The following FBLN2 variants were observed in gnomAD, a reference collection of about 807,000 sequenced individuals.
FBLN2 encodes fibulin 2.
In FBLN2, 81 loss-of-function variants were observed where a neutral mutation model predicts 123.7. The observed-to-expected ratio is 0.65, with a 90% confidence interval of 0.55 to 0.79. FBLN2 has a LOEUF of 0.79. FBLN2 is among the 30% of genes least tolerant of loss of function. The probability of loss-of-function intolerance (pLI) is 0.00; values close to 1 mark genes in which losing one functional copy is unlikely to be tolerated. For synonymous variants in FBLN2, 699 were observed against 701.4 expected, an observed-to-expected ratio of 1.00 and a Z score of 0.05; for missense variants, 1,603 against 1,681.3, an observed-to-expected ratio of 0.95 and a Z score of 0.81.
At chr3:13,572,663 C>A (rs1240559509) in intron 2 of FBLN2, among the ~76,000 whole-genome samples, 2 of 152,252 alleles carry the variant, frequency 1.3e-5, no homozygotes, top group Non-Finnish European at 2.9e-5. Flanking sequence ...CTGCTCCCAG[C>A]AGGTCCTCCA....
intron 1 of FBLN2, among the ~76,000 whole-genome samples, chr3:13,557,610 G>C (rs1056875165): frequency 1.3e-5 from 2 of 152,184 alleles, no homozygotes; most frequent in Non-Finnish European, 2.9e-5. Flanking sequence ...GAGCTCAGAA[G>C]CTCTGGAGCA....
intron 2 of FBLN2, among the ~76,000 whole-genome samples, chr3:13,605,565 A>G (rs1305649509): frequency 1.3e-5 from 2 of 152,136 alleles, no homozygotes; most frequent in Non-Finnish European, 2.9e-5. Flanking sequence ...CAGCTCCTGC[A>G]TGTAGCATGG....
chr3:13,637,681 T>C lies in FBLN2; in HGVS notation c.3458T>C (p.Ile1153Thr), dbSNP rs1284908669. ...GLLVPAHIFR[I>T]GPAPAFTGDT... ...CTGGTGCCTGCGCATATCTTCCGCATTGGCCCCGCGCCAGCCTTCACGGGG... is the reference window on the plus strand; with the variant it reads ...CTGGTGCCTGCGCATATCTTCCGCACTGGCCCCGCGCCAGCCTTCACGGGG... Residue 1153 changes from isoleucine to threonine, a missense_variant, in exon 18 of 18, where the codon ATT (isoleucine) becomes ACT (threonine). Coordinates refer to ENST00000404922, the MANE Select transcript of FBLN2 (RefSeq NM_001004019.2). 2 of 1,613,974 alleles carry C rather than the reference T, an allele frequency of 1.2e-6. No individual in the cohort carries two copies.
At chr3:13,594,617 A>C (rs1306318895) in intron 2 of FBLN2, among the ~76,000 whole-genome samples, 1 of 152,106 alleles carries the variant, frequency 6.6e-6, no homozygotes. Context: ...GGCTGTTACT[A>C]AAGTGATCCT....
chr3:13,570,081 G>A (rs553842948), intron 1 of FBLN2, among the ~76,000 whole-genome samples: 140 of 152,230 alleles, frequency 9.2e-4, no homozygotes, highest in African/African-American at 2.9e-3. Flanking sequence ...GGCTGTCAGC[G>A]ACTCCAGGTC....
chr3:13,580,160 C>T (rs1003422497), intron 2 of FBLN2, among the ~76,000 whole-genome samples: 3 of 152,206 alleles, frequency 2.0e-5, no homozygotes, highest in African/African-American at 7.2e-5. Context: ...CAGTGGAGGC[C>T]ATGAGCTTTC....
chr3:13,632,047 G>T (rs1706276183), intron 16 of FBLN2, among the ~76,000 whole-genome samples: 1 of 152,218 alleles, frequency 6.6e-6, no homozygotes, highest in South Asian at 2.1e-4. Context: ...TGTGGAATTT[G>T]CAAGAGAGGG....
intron 3 of FBLN2, 85 bp downstream of exon 3, chr3:13,608,258 G>A (rs1164796700): frequency 1.0e-6 from 1 of 976,060 alleles, no homozygotes; most frequent in Non-Finnish European, 1.5e-6. Context: ...GCTCCAGGCA[G>A]CCCGGAGAGA....
chr3:13,609,078 G>T (rs536095551), intron 3 of FBLN2, among the ~76,000 whole-genome samples: 1 of 152,154 alleles, frequency 6.6e-6, no homozygotes. Flanking sequence ...AATCCCCGCC[G>T]CCCTGTCCTG....
intron 2 of FBLN2, among the ~76,000 whole-genome samples, chr3:13,604,867 G>A (rs1416711153): frequency 2.6e-5 from 4 of 152,248 alleles, no homozygotes; most frequent in Non-Finnish European, 4.4e-5. Flanking sequence ...CTAAGGCAAC[G>A]CAGCCGATGA....
chr3:13,627,853 G>T lies in FBLN2; in HGVS notation c.2453G>T (p.Gly818Val), dbSNP rs965104809. The T allele has an allele frequency of 1.2e-6, 2 of 1,613,396 alleles. No individual in the cohort carries two copies. Among genetic ancestry groups the T allele is most frequent in the Admixed American group, 3.3e-5 (2 of 59,994 alleles). Residue 818 changes from glycine to valine, a missense_variant, in exon 11 of 18, where the codon GGC becomes GTC. Transcript: ENST00000404922. ...ECEDVDECAM[G>V]THTCQPGFLC... is the part of the protein sequence containing the mutation. ...GCAGACGTGGATGAGTGTGCGATGG[G>T]CACGCACACCTGCCAGCCGGGCTTC...
intron 2 of FBLN2, among the ~76,000 whole-genome samples, chr3:13,589,513 G>C (rs1024688310): frequency 1.3e-5 from 2 of 152,150 alleles, no homozygotes; most frequent in African/African-American, 2.4e-5. Flanking sequence ...AGCTGGGACA[G>C]ACTTTCAGTG....
At chr3:13,582,751 GGCAGCCAGCACAGAGTGCTGCT>G (rs1704373947) in intron 2 of FBLN2, among the ~76,000 whole-genome samples, 1 of 152,248 alleles carries the variant, frequency 6.6e-6, no homozygotes, top group Non-Finnish European at 1.5e-5. Flanking sequence ...GCGGGCTAAC[GGCAGCCAGCACAGAGTGCTGCT>G]CCGGGCCACG....
chr3:13,575,694 G>A (rs1007746687), intron 2 of FBLN2, among the ~76,000 whole-genome samples: 1 of 152,068 alleles, frequency 6.6e-6, no homozygotes, highest in Non-Finnish European at 1.5e-5. Flanking sequence ...GCAGGACTGG[G>A]GGCCAGGGGT....
chr3:13,614,224 T>A, intron 5 of FBLN2, 60 bp downstream of exon 5: 1 of 1,532,146 alleles, frequency 6.5e-7, no homozygotes, highest in Admixed American at 1.8e-5. Context: ...ACCTCTGGCC[T>A]TCTGTGGGGA....
chr3:13,566,931 G>A (rs1703764867), intron 1 of FBLN2, among the ~76,000 whole-genome samples: 1 of 152,248 alleles, frequency 6.6e-6, no homozygotes, highest in African/African-American at 2.4e-5. Flanking sequence ...ACGTTCACTG[G>A]GTGGATGCAG....
chr3:13,551,655 C>T (rs115578409), intron 1 of FBLN2, among the ~76,000 whole-genome samples: 2,524 of 152,234 alleles, frequency 0.017, 76 homozygotes, highest in African/African-American at 0.057. Flanking sequence ...ACACCTCACA[C>T]GCAATAGGTG....
chr3:13,560,723 C>T (rs900928136), intron 1 of FBLN2, among the ~76,000 whole-genome samples: 8 of 152,302 alleles, frequency 5.3e-5, no homozygotes, highest in African/African-American at 7.2e-5. Context: ...CCCTTCCTTC[C>T]GTTTCTCCTG....
intron 1 of FBLN2, among the ~76,000 whole-genome samples, chr3:13,565,539 T>C (rs1703719649): frequency 6.6e-6 from 1 of 152,230 alleles, no homozygotes; most frequent in African/African-American, 2.4e-5. Context: ...GACAGGGTGA[T>C]TGCTTGAGGC....
Sources: allele counts gnomAD v4.1 joint callset (sites outside exome capture counted in the v4.1 genomes callset), GRCh38; gene constraint gnomAD v4.1.1; transcripts MANE v1.5; gene names NCBI Gene and HGNC (gene_info 2026-07-23, HGNC 2026-07-21).